The following LINGO2 variants were observed in gnomAD, a reference collection of about 807,000 sequenced individuals.
LINGO2 encodes the protein leucine rich repeat and Ig domain containing 2, also known as leucine-rich repeat and immunoglobulin-like domain-containing nogo receptor-interacting protein 2.
A neutral mutation model predicts 30.6 loss-of-function variants in LINGO2; 14 were observed. The observed-to-expected ratio is 0.46, with a 90% CI of 0.30 to 0.72. The LOEUF (loss-of-function observed/expected upper bound fraction) is 0.72, where lower values mean the gene tolerates loss of function less well. LINGO2 is among the 30% of genes least tolerant of loss of function. The pLI is 0.07. For missense variants in LINGO2, 729 were observed against 751.7 expected (o/e 0.97, Z 0.35); for synonymous variants, 317 against 288.5 (o/e 1.10, Z -1.00).
At chr9:28,111,323 G>C (rs3849950) in intron 4 of LINGO2, among the ~76,000 whole-genome samples, 143,504 of 151,964 alleles carry the variant, frequency 0.94, 67,797 homozygotes, top group East Asian at 1. Flanking sequence ...TTGATAGGTG[G>C]AGCAAACCAC....
intron 4 of LINGO2, among the ~76,000 whole-genome samples, chr9:28,070,523 T>C (rs1410469755): frequency 1.3e-5 from 2 of 152,162 alleles, no homozygotes; most frequent in Admixed American, 6.5e-5. Context: ...TACATAATGC[T>C]AGGGAGTGAT....
intron 1 of LINGO2, among the ~76,000 whole-genome samples, chr9:28,608,922 G>A (rs1825800672): frequency 6.6e-6 from 1 of 151,978 alleles, no homozygotes; most frequent in Admixed American, 6.6e-5. Flanking sequence ...TAAAAAGTGG[G>A]AGATATATAT....
At chr9:28,134,031 G>T (rs1480307849) in intron 4 of LINGO2, among the ~76,000 whole-genome samples, 1 of 152,106 alleles carries the variant, frequency 6.6e-6, no homozygotes, top group Non-Finnish European at 1.5e-5. Flanking sequence ...TATCCTTCCT[G>T]AATTGCTTTT....
the LINGO2 span, among the ~76,000 whole-genome samples, chr9:28,931,200 TAAC>T: frequency 1.3e-5 from 2 of 152,238 alleles, no homozygotes; most frequent in African/African-American, 4.8e-5. Context: ...CTCAAATATG[TAAC>T]AACATCATTT....
chr9:28,378,368 T>G (rs1316470393), intron 2 of LINGO2, among the ~76,000 whole-genome samples: 1 of 152,176 alleles, frequency 6.6e-6, no homozygotes, highest in African/African-American at 2.4e-5. Flanking sequence ...ATCAGAGGGT[T>G]GTGAAACTCT....
At position 28,569,486 on chromosome 9, in the gene LINGO2, A is replaced by G. The variant is rs1238130872; in HGVS notation, c.-364-93461T>C. 2.0e-5 allele frequency among the ~76,000 whole-genome samples: 3 copies of G among 152,006 alleles called. No homozygotes were observed. In the East Asian group the frequency reaches 5.8e-4, roughly 29 times the overall value. Reference sequence around the variant, plus strand: ...ATAGGGAAATTCCTTCATTAGTGACAACATAGATGACCTAGAGGACATTTT... The same window carrying G: ...ATAGGGAAATTCCTTCATTAGTGACGACATAGATGACCTAGAGGACATTTT... On this transcript the variant is annotated intron_variant, in intron 1 of 5. Coordinates refer to ENST00000379992, the Ensembl canonical transcript of LINGO2.
At chr9:28,659,458 CTT>C (rs901783809) in intron 1 of LINGO2, among the ~76,000 whole-genome samples, 1 of 146,904 alleles carries the variant, frequency 6.8e-6, no homozygotes, top group Non-Finnish European at 1.5e-5. Flanking sequence ...CCTTTTTTAT[CTT>C]TTTTTTTTTC....
At chr9:29,095,312 T>C in the LINGO2 span, among the ~76,000 whole-genome samples, 3 of 138,830 alleles carry the variant, frequency 2.2e-5, no homozygotes. Flanking sequence ...ACTATGGCAA[T>C]AGCTAACAAG....
chr9:28,420,086 A>G (rs1823129363), intron 2 of LINGO2, among the ~76,000 whole-genome samples: 1 of 152,096 alleles, frequency 6.6e-6, no homozygotes, highest in Non-Finnish European at 1.5e-5. Flanking sequence ...ATCTTTTTGT[A>G]TAGTTTCTTA....
At chr9:28,885,566 ATAGT>A in the LINGO2 span, among the ~76,000 whole-genome samples, 6 of 151,810 alleles carry the variant, frequency 4.0e-5, no homozygotes, top group South Asian at 4.2e-4. Flanking sequence ...ATTTAATTGC[ATAGT>A]TAAAGTGTGT....
At chr9:28,076,384 TC>T (rs34973216) in intron 4 of LINGO2, among the ~76,000 whole-genome samples, 1 of 152,032 alleles carries the variant, frequency 6.6e-6, no homozygotes, top group Admixed American at 6.6e-5. Flanking sequence ...GTCTTTAACT[TC>T]CCCCCAAACA....
the LINGO2 span, among the ~76,000 whole-genome samples, chr9:28,933,057 C>G: frequency 6.6e-6 from 1 of 152,038 alleles, no homozygotes; most frequent in African/African-American, 2.4e-5. Flanking sequence ...CAGACATACA[C>G]CACCATGCCT....
chr9:28,104,196 A>G (rs191256414), intron 4 of LINGO2, among the ~76,000 whole-genome samples: 122 of 150,682 alleles, frequency 8.1e-4, no homozygotes, highest in African/African-American at 2.9e-3. Context: ...TAAAGAAGAA[A>G]AGCTGCCTTA....
At chr9:27,969,585 T>C (rs576779785) in intron 5 of LINGO2, among the ~76,000 whole-genome samples, 16 of 152,228 alleles carry the variant, frequency 1.1e-4, no homozygotes, top group African/African-American at 2.9e-4. Context: ...ATTTTGTAGA[T>C]AAGAAAAGTG....
intron 2 of LINGO2, among the ~76,000 whole-genome samples, chr9:28,408,533 C>A (rs922907923): frequency 1.3e-5 from 2 of 150,888 alleles, no homozygotes; most frequent in African/African-American, 2.4e-5. Context: ...AAAAACCAAA[C>A]ACTGCATGTT....
At chr9:29,137,628 A>C in the LINGO2 span, among the ~76,000 whole-genome samples, 2 of 152,176 alleles carry the variant, frequency 1.3e-5, no homozygotes, top group African/African-American at 4.8e-5. Flanking sequence ...TCTACAACAT[A>C]ATAAAAGACT....
chr9:28,630,642 C>T (rs1444667210), intron 1 of LINGO2, among the ~76,000 whole-genome samples: 2 of 152,098 alleles, frequency 1.3e-5, no homozygotes, highest in Non-Finnish European at 2.9e-5. Context: ...GCTATCAAAA[C>T]TAACCTTGAC....
intron 5 of LINGO2, among the ~76,000 whole-genome samples, chr9:28,011,776 G>A (rs966383649): frequency 2.8e-4 from 42 of 152,242 alleles, no homozygotes; most frequent in African/African-American, 9.9e-4. Flanking sequence ...CTCAGGCTAA[G>A]CATTTCTAAT....
chr9:28,639,531 T>G (rs1378647092), intron 1 of LINGO2, among the ~76,000 whole-genome samples: 1 of 152,206 alleles, frequency 6.6e-6, no homozygotes, highest in Non-Finnish European at 1.5e-5. Flanking sequence ...ATATTTAGGA[T>G]AGTTAGCTCT....
Sources: allele counts gnomAD v4.1 joint callset (sites outside exome capture counted in the v4.1 genomes callset), GRCh38; gene constraint gnomAD v4.1.1; transcripts MANE v1.5; gene names NCBI Gene and HGNC (gene_info 2026-07-23, HGNC 2026-07-21).